NRXN1: variants seen among roughly 807,000 people sequenced by gnomAD.
NRXN1 encodes the protein neurexin 1, also known as neurexin-1.
In NRXN1, 39 loss-of-function variants were observed where a neutral mutation model predicts 150.9. The ratio of observed to expected loss-of-function variants is 0.26; its 90% CI spans 0.20 to 0.34. The LOEUF (loss-of-function observed/expected upper bound fraction) is 0.34, where lower values mean the gene tolerates loss of function less well. NRXN1 is among the 10% of genes least tolerant of loss of function. The pLI, the probability that NRXN1 is intolerant of heterozygous loss-of-function variation, is 1.00. For synonymous variants in NRXN1, 924 were observed against 757.0 expected (o/e 1.22, Z -3.62); for missense variants, 1,815 against 1,949.9 (o/e 0.93, Z 1.30).
chr2:50,512,075 G>C (rs1003330615), intron 12 of NRXN1, among the ~76,000 whole-genome samples: 10 of 151,550 alleles, frequency 6.6e-5, no homozygotes, highest in Admixed American at 1.3e-4. Context: ...CCATATAAAA[G>C]CATATTAAAA....
At position 50,827,351 on chromosome 2, in the gene NRXN1, A is replaced by G. The variant is rs575294792; in HGVS notation, c.832+94518T>C. Among the ~76,000 whole-genome samples, 4 of 152,350 alleles carry G rather than the reference A, an allele frequency of 2.6e-5. No individual in the cohort carries two copies. In the East Asian group the frequency reaches 7.7e-4, roughly 29 times the overall value. On this transcript the variant is annotated intron_variant, in intron 5 of 22. Transcript: ENST00000401669. ...TGTTTCATAGCAGTTAGTTTTTTGA[A>G]GCTGTGAAAACTCACAATAATTAGC...
At chr2:51,022,007 C>T (rs1328211362) in intron 2 of NRXN1, among the ~76,000 whole-genome samples, 2 of 152,010 alleles carry the variant, frequency 1.3e-5, no homozygotes, top group African/African-American at 4.8e-5. Context: ...TAGAACACAG[C>T]TGCATGCAAC....
chr2:50,411,850 G>A (rs1010193903), intron 17 of NRXN1, among the ~76,000 whole-genome samples: 2 of 152,228 alleles, frequency 1.3e-5, no homozygotes, highest in Admixed American at 6.5e-5. Context: ...CCATGATGAC[G>A]ATGGTGGTTT....
intron 5 of NRXN1, among the ~76,000 whole-genome samples, chr2:50,829,113 C>T (rs1264798003): frequency 6.7e-6 from 1 of 150,358 alleles, no homozygotes; most frequent in Non-Finnish European, 1.5e-5. Context: ...CCTGCAATCG[C>T]AGGCACTCGG....
intron 5 of NRXN1, among the ~76,000 whole-genome samples, chr2:50,694,067 A>G (rs981237082): frequency 2.0e-5 from 3 of 152,200 alleles, no homozygotes; most frequent in South Asian, 2.1e-4. Context: ...CACTGGGATT[A>G]TAAGTGTGAG....
At chr2:50,277,988 A>G (rs1460829915) in intron 17 of NRXN1, among the ~76,000 whole-genome samples, 2 of 151,174 alleles carry the variant, frequency 1.3e-5, no homozygotes, top group Admixed American at 6.6e-5. Flanking sequence ...AATCTACCAT[A>G]TAACTCAAAA....
At chr2:50,883,209 T>C (rs1179413639) in intron 5 of NRXN1, among the ~76,000 whole-genome samples, 2 of 151,870 alleles carry the variant, frequency 1.3e-5, no homozygotes, top group Non-Finnish European at 2.9e-5. Context: ...ATTAGTTGAA[T>C]AATTAAGAGT....
intron 21 of NRXN1, chr2:50,016,550 G>T (rs138291317): frequency 6.6e-6 from 1 of 152,202 alleles, no homozygotes; most frequent in Admixed American, 6.6e-5. Context: ...CGTGGAAAGG[G>T]AAGCAAACAC....
intron 17 of NRXN1, among the ~76,000 whole-genome samples, chr2:50,309,529 T>C (rs1173591360): frequency 6.6e-6 from 1 of 152,210 alleles, no homozygotes; most frequent in Non-Finnish European, 1.5e-5. Flanking sequence ...CTGTATGTCA[T>C]AAATCCCAAC....
At chr2:50,247,942 T>C (rs2066664370) in intron 17 of NRXN1, among the ~76,000 whole-genome samples, 1 of 152,180 alleles carries the variant, frequency 6.6e-6, no homozygotes, top group Non-Finnish European at 1.5e-5. Context: ...TTTTTATAAC[T>C]TTTTTGTAAA....
At position 50,347,416 on chromosome 2, in the gene NRXN1, G is replaced by T. The variant is rs141821680; in HGVS notation, c.3365-110446C>A. 8,663 of 1,156,942 alleles carry T rather than the reference G, an allele frequency of 7.5e-3. 47 individuals carry two copies. Among genetic ancestry groups the T allele is most frequent in the Non-Finnish European group, 8.6e-3 (7,927 of 925,130 alleles). 71.7% of individuals were successfully genotyped at this position (1,156,942 alleles called of 1,614,324 possible). A position where few individuals can be genotyped will look rare whatever the true frequency, so the allele number is the denominator to read the frequency against. On this transcript the variant is annotated intron_variant, in intron 17 of 22. Coordinates refer to ENST00000401669, the MANE Select transcript of NRXN1 (RefSeq NM_001330078.2). This position sits in a 1 kb window ranked among gnomAD's most constrained non-coding sequence, Gnocchi z 4.9. ...GGTAAATCCATTTAGCTTTGTGTGC[G>T]GGGACTAGGGAGGCCACTTCGCCGG... is the stretch of plus-strand genomic sequence containing the variant.
chr2:49,926,051 A>T (rs926897344), intron 22 of NRXN1, among the ~76,000 whole-genome samples: 4 of 152,246 alleles, frequency 2.6e-5, no homozygotes, highest in Non-Finnish European at 5.9e-5. Context: ...GTCTACTACA[A>T]GCAAGGAGAG....
In NRXN1 at chr2:50,019,960, AAAAAAAAAAAAAAGAGAG is replaced by A. The variant is rs1211384843; in HGVS notation, c.4128+33293_4128+33310del. Among the ~76,000 whole-genome samples the A allele has an allele frequency of 3.8e-5, 5 of 133,162 alleles. 1 individual carries two copies. The East Asian group carries it at 6.7e-4, about 18-fold the overall frequency. 87.4% of individuals were successfully genotyped at this position (133,162 alleles called of 152,430 possible). On this transcript the variant is annotated intron_variant, in intron 21 of 22. Transcript: ENST00000401669. ...AAGACTCCGTCTCAAAAAAAAAAAA[AAAAAAAAAAAAAAGAGAG>A]AGAGAGAGACCTAGGGAGCTACGTC...
intron 17 of NRXN1, among the ~76,000 whole-genome samples, chr2:50,340,631 A>T (rs2152992414): frequency 6.6e-6 from 1 of 152,310 alleles, no homozygotes; most frequent in Non-Finnish European, 1.5e-5. Context: ...AAAGACAACA[A>T]GACCATGAGG....
Position 50,129,027 on chromosome 2 carries a change from G to A in NRXN1, c.3547-37533C>T, listed in dbSNP as rs184804635. 1.0e-4 allele frequency among the ~76,000 whole-genome samples: 15 copies of A among 146,360 alleles called. No homozygotes were observed. In the East Asian group the frequency reaches 2.4e-3, roughly 23 times the overall value. On this transcript the variant is annotated intron_variant, in intron 18 of 22. Coordinates refer to ENST00000401669, the MANE Select transcript of NRXN1 (RefSeq NM_001330078.2). Reference sequence around the variant, plus strand: ...TAAATAAATAAATAAATAAAGTTATGATGAATAACAAATCAAACGGAAGCA... The same window carrying A: ...TAAATAAATAAATAAATAAAGTTATAATGAATAACAAATCAAACGGAAGCA...
chr2:50,876,446 A>C (rs766998675), intron 5 of NRXN1, among the ~76,000 whole-genome samples: 1 of 151,808 alleles, frequency 6.6e-6, no homozygotes, highest in Admixed American at 6.6e-5. Context: ...CTTTTTTAAT[A>C]TTTACTATAT....
chr2:49,972,925 C>T (rs1678198616), intron 21 of NRXN1: 1 of 152,566 alleles, frequency 6.6e-6, no homozygotes, highest in Admixed American at 6.5e-5. Flanking sequence ...TGCTCCACCC[C>T]CACCTATTGT....
chr2:50,373,686 A>G lies in NRXN1; in HGVS notation c.3364+91756T>C, dbSNP rs867553528. 1.6e-3 allele frequency among the ~76,000 whole-genome samples: 184 copies of G among 114,856 alleles called. 1 individual carries two copies. Among genetic ancestry groups the G allele is most frequent in the African/African-American group, 2.4e-3 (73 of 30,148 alleles). 75.3% of individuals were successfully genotyped at this position (114,856 alleles called of 152,430 possible). On this transcript the variant is annotated intron_variant, in intron 17 of 22. Coordinates refer to ENST00000401669, the MANE Select transcript of NRXN1 (RefSeq NM_001330078.2). ...AGAAAGAAAGAAAGAAAGAAAAGAA[A>G]GAAGGAAAGAAAGAAAGAAAGAAAG... is the stretch of plus-strand genomic sequence containing the variant.
At chr2:50,696,293 GA>G (rs1216832969) in intron 5 of NRXN1, 1 of 151,738 alleles carries the variant, frequency 6.6e-6, no homozygotes, top group Non-Finnish European at 1.5e-5. Context: ...CTATACATAT[GA>G]AAAAATGAGA....
Sources: gnomAD v4.1 joint callset for allele counts (sites outside exome capture counted in the v4.1 genomes callset) on GRCh38, gnomAD v4.1.1 for gene constraint, Gnocchi (gnomAD v3.1) non-coding constraint, MANE v1.5 for transcripts, NCBI Gene and HGNC (gene_info 2026-07-23, HGNC 2026-07-21) for gene names.